The following COL19A1 variants were observed in gnomAD, a reference collection of about 807,000 sequenced individuals.
COL19A1 encodes collagen alpha-1(XIX) chain.
Under a neutral mutation model 190.2 loss-of-function variants are expected in COL19A1, and 159 were observed. That is an observed-to-expected ratio of 0.84 (90% confidence interval 0.73 to 0.95). The LOEUF is 0.95. Among genes scored for constraint, COL19A1 ranks in the 40% least tolerant of loss-of-function variants. COL19A1 has a pLI of 0.00. For synonymous variants in COL19A1, 509 were observed against 458.9 expected, an observed-to-expected ratio of 1.11 and a Z score of -1.39; for missense variants, 1,418 against 1,431.9, an observed-to-expected ratio of 0.99 and a Z score of 0.16.
intron 2 of COL19A1, among the ~76,000 whole-genome samples, chr6:69,888,044 C>G (rs138982918): frequency 6.6e-6 from 1 of 152,306 alleles, no homozygotes; most frequent in Non-Finnish European, 1.5e-5. Context: ...CCAATCTTAA[C>G]TTCTTCCTGC....
At chr6:69,907,393 G>A (rs371730960) in intron 4 of COL19A1, among the ~76,000 whole-genome samples, 2 of 151,998 alleles carry the variant, frequency 1.3e-5, no homozygotes, top group Non-Finnish European at 2.9e-5. Context: ...GCCCCCCAAA[G>A]TGCTGGGATT....
intron 17 of COL19A1, among the ~76,000 whole-genome samples, chr6:70,125,974 T>A (rs909312321): frequency 4.6e-5 from 7 of 152,090 alleles, no homozygotes; most frequent in Admixed American, 3.9e-4. Flanking sequence ...AAAAAATACG[T>A]TTTATCTGCG....
At chr6:70,082,631 G>A (rs1006688400) in intron 15 of COL19A1, among the ~76,000 whole-genome samples, 5 of 152,212 alleles carry the variant, frequency 3.3e-5, no homozygotes, top group African/African-American at 7.2e-5. Flanking sequence ...GGCCGGTCTC[G>A]AACTCCTGAC....
Position 70,207,211 on chromosome 6 carries a change from A to ATG in COL19A1, c.3368_3369dup (p.Asn1124ValfsTer24), listed in dbSNP as rs1393725516. The ATG allele has an allele frequency of 6.2e-7, 1 of 1,613,998 alleles. No individual in the cohort carries two copies. Among genetic ancestry groups the ATG allele is most frequent in the Admixed American group, 1.7e-5 (1 of 60,010 alleles). Reference sequence around the variant, plus strand: ...AGGGCCCCCCAGGACCCAGTGGAAGATGTAACCCAGAAGATTGCCTCTATC... The same window carrying ATG: ...AGGGCCCCCCAGGACCCAGTGGAAGATGTGTAACCCAGAAGATTGCCTCTATC... On this transcript the variant is annotated frameshift_variant, in exon 51 of 51. Transcript: ENST00000620364. LOFTEE classifies it high-confidence loss of function.
chr6:69,921,098 C>CATATATATTCATAGACAT (rs1260903245), intron 4 of COL19A1, among the ~76,000 whole-genome samples: 1 of 99,432 alleles, frequency 1.0e-5, no homozygotes, highest in African/African-American at 4.0e-5. Context: ...ATAGACATAT[C>CATATATATTCATAGACAT]ATATATTCAT....
At chr6:70,000,219 T>C (rs1777176405) in intron 11 of COL19A1, among the ~76,000 whole-genome samples, 1 of 152,234 alleles carries the variant, frequency 6.6e-6, no homozygotes, top group Admixed American at 6.5e-5. Flanking sequence ...TATGGCTGCA[T>C]AGTATTCCAT....
At chr6:70,086,331 G>GA (rs1369868010) in intron 15 of COL19A1, among the ~76,000 whole-genome samples, 11 of 150,990 alleles carry the variant, frequency 7.3e-5, no homozygotes, top group Non-Finnish European at 1.3e-4. Flanking sequence ...TTGAATACAA[G>GA]AAAAAATACA....
chr6:70,138,740 A>G (rs973184563), intron 19 of COL19A1, among the ~76,000 whole-genome samples: 4 of 152,106 alleles, frequency 2.6e-5, no homozygotes, highest in Admixed American at 6.6e-5. Context: ...TCTGTGGCCT[A>G]TGTACCCCAG....
intron 40 of COL19A1, among the ~76,000 whole-genome samples, chr6:70,171,404 C>T (rs1765493819): frequency 6.6e-6 from 1 of 152,178 alleles, no homozygotes; most frequent in African/African-American, 2.4e-5. Context: ...ATAGAAAACA[C>T]TAATCTACCC....
At chr6:69,943,377 G>A (rs1197960356) in intron 9 of COL19A1, among the ~76,000 whole-genome samples, 1 of 151,990 alleles carries the variant, frequency 6.6e-6, no homozygotes, top group East Asian at 1.9e-4. Context: ...TCTCTTGATG[G>A]TTTCCTTTGC....
At chr6:70,174,300 G>A (rs540312683) in intron 41 of COL19A1, among the ~76,000 whole-genome samples, 1 of 152,178 alleles carries the variant, frequency 6.6e-6, no homozygotes, top group Non-Finnish European at 1.5e-5. Context: ...AGGCACAGTG[G>A]CTCACGCCTG....
At chr6:70,141,140 T>C (rs1786224360) in intron 20 of COL19A1, 151 bp downstream of exon 20, 1 of 683,954 alleles carries the variant, frequency 1.5e-6, no homozygotes, top group Non-Finnish European at 2.4e-6. Context: ...TTTAACTCTT[T>C]TATTTTGATA....
chr6:70,051,777 T>C (rs1021443926), intron 14 of COL19A1, among the ~76,000 whole-genome samples: 1 of 152,092 alleles, frequency 6.6e-6, no homozygotes, highest in Non-Finnish European at 1.5e-5. Flanking sequence ...GTCTGGCAAA[T>C]TTTTTATGAG....
At chr6:70,201,669 T>G (rs1767563382) in intron 49 of COL19A1, among the ~76,000 whole-genome samples, 2 of 152,144 alleles carry the variant, frequency 1.3e-5, no homozygotes, top group African/African-American at 4.8e-5. Context: ...ATACTTTCTT[T>G]TCAGTATTTG....
intron 4 of COL19A1, among the ~76,000 whole-genome samples, chr6:69,910,903 C>A (rs1197904639): frequency 6.6e-6 from 1 of 152,124 alleles, no homozygotes; most frequent in Non-Finnish European, 1.5e-5. Context: ...TAGTTATTAT[C>A]CTTAGGTGGT....
At chr6:69,941,228 C>T (rs146745189) in intron 9 of COL19A1, among the ~76,000 whole-genome samples, 11 of 152,280 alleles carry the variant, frequency 7.2e-5, no homozygotes, top group African/African-American at 2.2e-4. Context: ...ATTGAATCCT[C>T]TCCACCTCTT....
At chr6:70,199,229 C>T (rs950516441) in intron 48 of COL19A1, among the ~76,000 whole-genome samples, 13 of 152,300 alleles carry the variant, frequency 8.5e-5, no homozygotes, top group African/African-American at 2.9e-4. Flanking sequence ...ACCACACATA[C>T]GTTCACAACA....
chr6:70,164,534 C>T (rs1295271022), intron 36 of COL19A1, among the ~76,000 whole-genome samples: 2 of 152,122 alleles, frequency 1.3e-5, no homozygotes, highest in East Asian at 3.8e-4. Context: ...CTGATTTTAT[C>T]CCAAGGAGCT....
chr6:69,884,888 G>T (rs117913500), intron 2 of COL19A1, among the ~76,000 whole-genome samples: 1 of 144,872 alleles, frequency 6.9e-6, no homozygotes, highest in East Asian at 2.0e-4. Context: ...ACTGAGTCTC[G>T]CTCTGTTGCC....
Sources: allele counts gnomAD v4.1 joint callset (sites outside exome capture counted in the v4.1 genomes callset), GRCh38; gene constraint gnomAD v4.1.1; transcripts MANE v1.5; gene names NCBI Gene and HGNC (gene_info 2026-07-23, HGNC 2026-07-21).